The following MYO1B variants were observed in gnomAD, a reference collection of about 807,000 sequenced individuals.
The protein encoded by MYO1B is unconventional myosin-Ib.
In MYO1B, 72 loss-of-function variants were observed where a neutral mutation model predicts 159.7. That is an observed-to-expected ratio of 0.45 (90% confidence interval 0.37 to 0.55). MYO1B has a LOEUF of 0.55. Ranked by LOEUF, MYO1B falls within the 20% of genes least tolerant of loss-of-function variation. The pLI is 0.00. For synonymous variants in MYO1B, 468 were observed against 473.8 expected (o/e 0.99, Z 0.16); for missense variants, 1,062 against 1,364.8 (o/e 0.78, Z 3.50).
At chr2:191,364,010 G>A in intron 10 of MYO1B, 135 bp downstream of exon 10, 1 of 1,275,530 alleles carries the variant, frequency 7.8e-7, no homozygotes. Context: ...AGCAGAAATA[G>A]AACTGTGGCT....
Position 191,402,732 on chromosome 2 carries a change from C to T in MYO1B, c.2556+14C>T, listed in dbSNP as rs1452043234. On this transcript the variant is annotated intron_variant, in intron 24 of 30. Coordinates refer to ENST00000392318, the MANE Select transcript of MYO1B (RefSeq NM_001130158.3). ...CTTGGACTGAAGGTACTTCCTCAAC[C>T]ACTTGTTTCTGTCCAGGGTGAACTT... The T allele has an allele frequency of 6.2e-7, 1 of 1,603,644 alleles. No individual in the cohort carries two copies. The highest frequency in any genetic ancestry group is 8.5e-7 in the Non-Finnish European group (1 of 1,174,552).
chr2:191,362,205 A>T (rs1243974590), intron 8 of MYO1B, 63 bp from the exon 9 acceptor site: 1 of 1,243,798 alleles, frequency 8.0e-7, no homozygotes, highest in African/African-American at 1.5e-5. Context: ...TATCAAAGGG[A>T]ATGAGATATT....
At position 191,390,397 on chromosome 2, in the gene MYO1B, G is replaced by A. The variant is rs757656909; in HGVS notation, c.1887G>A (p.Arg629=). 3 of 1,614,100 alleles carry A rather than the reference G, an allele frequency of 1.9e-6. No individual in the cohort carries two copies. The highest frequency in any genetic ancestry group is 1.7e-5 in the Admixed American group (1 of 60,004). Residue 629 remains arginine, a synonymous_variant, in exon 18 of 31, where the codon AGG becomes AGA. Coordinates refer to ENST00000392318, the MANE Select transcript of MYO1B (RefSeq NM_001130158.3). Reference sequence around the variant, plus strand: ...TTTTGGAGAACGTCCGAGTGCGGAGGGCAGGCTACGCCTTCAGGCAGGCCT... The same window carrying A: ...TTTTGGAGAACGTCCGAGTGCGGAGAGCAGGCTACGCCTTCAGGCAGGCCT... ...LGLLENVRVR[R]AGYAFRQAYE...
intron 1 of MYO1B, chr2:191,247,977 G>C: frequency 1.0e-6 from 1 of 985,450 alleles, no homozygotes; most frequent in South Asian, 4.7e-5. Context: ...AAGGAGGAAC[G>C]TCTGACATCA....
chr2:191,256,705 A>T (rs1686474739), intron 1 of MYO1B, among the ~76,000 whole-genome samples: 1 of 152,186 alleles, frequency 6.6e-6, no homozygotes, highest in Non-Finnish European at 1.5e-5. Context: ...CTAATAATAT[A>T]ATAAAATTAT....
chr2:191,415,235 T>C (rs1025333318), intron 29 of MYO1B, among the ~76,000 whole-genome samples: 1 of 152,216 alleles, frequency 6.6e-6, no homozygotes, highest in African/African-American at 2.4e-5. Context: ...AGCATTGTTG[T>C]AAGGATTAAG....
In MYO1B at chr2:191,391,660, G is replaced by C. The variant is rs963060044; in HGVS notation, c.1983-448G>C. 2.6e-5 allele frequency among the ~76,000 whole-genome samples: 4 copies of C among 152,166 alleles called. No individual in the cohort carries two copies. In the South Asian group the frequency reaches 8.3e-4, roughly 32 times the overall value. Reference sequence around the variant, plus strand: ...CTTGCTCCCGCTGGGTAAGGCCCACGTTCCTTAGCGTCCCGTTGGTCTGGG... The same window carrying C: ...CTTGCTCCCGCTGGGTAAGGCCCACCTTCCTTAGCGTCCCGTTGGTCTGGG... On this transcript the variant is annotated intron_variant, in intron 18 of 30. Transcript: ENST00000392318.
chr2:191,259,079 G>A (rs1343571738), intron 1 of MYO1B, among the ~76,000 whole-genome samples: 3 of 152,180 alleles, frequency 2.0e-5, no homozygotes, highest in Admixed American at 6.5e-5. Context: ...CAGCTTTACC[G>A]TTTGCTGTCT....
chr2:191,317,013 G>A (rs142591090), intron 3 of MYO1B, among the ~76,000 whole-genome samples: 28 of 152,178 alleles, frequency 1.8e-4, no homozygotes, highest in African/African-American at 5.3e-4. Context: ...CATAAATTCG[G>A]AACACTGAAA....
intron 20 of MYO1B, 36 bp downstream of exon 20, chr2:191,393,258 A>G (rs1695869448): frequency 1.9e-6 from 3 of 1,605,242 alleles, no homozygotes; most frequent in Non-Finnish European, 2.6e-6. Flanking sequence ...AGTAATAACA[A>G]TGCTAATTTG....
chr2:191,343,106 T>A (rs1692328755), intron 5 of MYO1B, among the ~76,000 whole-genome samples: 1 of 152,132 alleles, frequency 6.6e-6, no homozygotes, highest in South Asian at 2.1e-4. Flanking sequence ...TGCCCCTAGT[T>A]GTTACAGTTG....
At chr2:191,298,450 A>T (rs1689113883) in intron 3 of MYO1B, among the ~76,000 whole-genome samples, 1 of 152,136 alleles carries the variant, frequency 6.6e-6, no homozygotes. Context: ...TGGTGCTTGG[A>T]CCAATTGTAT....
intron 1 of MYO1B, among the ~76,000 whole-genome samples, chr2:191,274,817 C>T (rs1687651368): frequency 6.6e-6 from 1 of 152,174 alleles, no homozygotes; most frequent in Non-Finnish European, 1.5e-5. Context: ...CAGTTTTGTT[C>T]TGAAACAGAG....
chr2:191,337,735 T>TA (rs753727053), intron 4 of MYO1B, among the ~76,000 whole-genome samples: 10 of 152,206 alleles, frequency 6.6e-5, no homozygotes, highest in Admixed American at 1.3e-4. Flanking sequence ...ACAATGCTGT[T>TA]ACATTTTGTC....
rs907444339 is a variant in MYO1B, at chr2:191,416,746, G to A, written c.3287+504G>A. 4.6e-5 allele frequency among the ~76,000 whole-genome samples: 7 copies of A among 152,052 alleles called. No individual in the cohort carries two copies. The South Asian group carries it at 1.0e-3, about 23-fold the overall frequency. On this transcript the variant is annotated intron_variant, in intron 30 of 30. Coordinates refer to ENST00000392318, the MANE Select transcript of MYO1B (RefSeq NM_001130158.3). ...GGAGAATCTCTTGAACCCGGGAGGC[G>A]GAGATTGCAATGAGCCGAGATCGTG...
intron 2 of MYO1B, among the ~76,000 whole-genome samples, chr2:191,293,733 G>A (rs1012783916): frequency 1.3e-5 from 2 of 152,036 alleles, no homozygotes; most frequent in African/African-American, 2.4e-5. Flanking sequence ...TATCAGCATC[G>A]TCTTTATGAC....
At chr2:191,269,061 C>T (rs1398185722) in intron 1 of MYO1B, among the ~76,000 whole-genome samples, 1 of 152,168 alleles carries the variant, frequency 6.6e-6, no homozygotes, top group East Asian at 1.9e-4. Flanking sequence ...AGTTTAGTCA[C>T]ATTAAGTGCA....
chr2:191,258,384 G>T (rs758238618), intron 1 of MYO1B, among the ~76,000 whole-genome samples: 1 of 152,210 alleles, frequency 6.6e-6, no homozygotes, highest in Admixed American at 6.5e-5. Flanking sequence ...AAGACCAGAA[G>T]TTGCTCTGGG....
At chr2:191,270,966 A>G (rs1687420947) in intron 1 of MYO1B, among the ~76,000 whole-genome samples, 1 of 152,194 alleles carries the variant, frequency 6.6e-6, no homozygotes, top group African/African-American at 2.4e-5. Context: ...GAGGACGTGC[A>G]TTGTTGTACG....
Sources: allele counts gnomAD v4.1 joint callset (sites outside exome capture counted in the v4.1 genomes callset), GRCh38; gene constraint gnomAD v4.1.1; transcripts MANE v1.5; gene names NCBI Gene and HGNC (gene_info 2026-07-23, HGNC 2026-07-21).